Variants in UBE2D3 observed in about 807,000 individuals in gnomAD.
UBE2D3 encodes the protein ubiquitin conjugating enzyme E2 D3.
In UBE2D3, 2 loss-of-function variants were observed where a neutral mutation model predicts 22.8. The observed-to-expected ratio is 0.09, with a 90% confidence interval of 0.04 to 0.28. The LOEUF (loss-of-function observed/expected upper bound fraction) is 0.28, where lower values mean the gene tolerates loss of function less well. Among genes scored for constraint, UBE2D3 ranks in the 10% least tolerant of loss-of-function variants. The probability of loss-of-function intolerance (pLI) is 1.00; values close to 1 mark genes in which losing one functional copy is unlikely to be tolerated. For synonymous variants in UBE2D3, 56 were observed against 60.4 expected (o/e 0.93, Z 0.34); for missense variants, 27 against 182.5 (o/e 0.15, Z 4.91).
rs945438036 is a variant in UBE2D3 at position 102,824,191 on chromosome 4, G to A, written c.24+2294C>T. 5.3e-5 allele frequency among the ~76,000 whole-genome samples: 8 copies of A among 152,286 alleles called. No individual in the cohort carries two copies. The South Asian group carries it at 6.2e-4, about 12-fold the overall frequency. ...AACACTGGTTTTTCCAATATGCCAA[G>A]TTTTTATGTTGTGTCTATATTACAT... On this transcript the variant is annotated intron_variant, in intron 2 of 7. Transcript: ENST00000453744.
In UBE2D3 at chr4:102,853,135, ATTTT is replaced by A. The variant is rs151339235; in HGVS notation, c.-129+15576_-129+15579del. Among the ~76,000 whole-genome samples, 62 of 88,598 alleles carry A rather than the reference ATTTT, an allele frequency of 7.0e-4. 1 individual carries two copies. The highest frequency in any genetic ancestry group is 2.9e-3 in the Admixed American group (20 of 6,884). The allele number at this position is 88,598 out of a possible 152,430, so 58.1% of individuals were successfully genotyped here. Reference sequence around the variant, plus strand: ...GTCAAAATTACACACAAACACACACATTTTTTTTTTTTTTTTTTTTTTTTTGAGA... The same window carrying A: ...GTCAAAATTACACACAAACACACACATTTTTTTTTTTTTTTTTTTTTGAGA... On this transcript the variant is annotated intron_variant, in intron 1 of 7. Transcript: ENST00000338145.
At chr4:102,832,932 A>G (rs1731188155) in intron 1 of UBE2D3, among the ~76,000 whole-genome samples, 1 of 150,812 alleles carries the variant, frequency 6.6e-6, no homozygotes, top group African/African-American at 2.4e-5. Context: ...CAGAAGGTCA[A>G]GGTTGCAGTG....
At chr4:102,825,198 T>C in intron 2 of UBE2D3, 3 of 977,030 alleles carry the variant, frequency 3.1e-6, no homozygotes, top group Non-Finnish European at 3.6e-6. Context: ...GAACTCTTTT[T>C]AAAAAAGTAA....
At chr4:102,835,156 C>A (rs1042150221) in intron 1 of UBE2D3, among the ~76,000 whole-genome samples, 1 of 152,190 alleles carries the variant, frequency 6.6e-6, no homozygotes, top group African/African-American at 2.4e-5. Context: ...ATACAATCAG[C>A]CCTCCAGATC....
chr4:102,836,478 C>T (rs181783947), intron 1 of UBE2D3, among the ~76,000 whole-genome samples: 322 of 152,150 alleles, frequency 2.1e-3, no homozygotes, highest in African/African-American at 7.1e-3. Flanking sequence ...ACAAATAGGG[C>T]TACTATGAAC....
chr4:102,857,105 T>C (rs990672240), intron 1 of UBE2D3, among the ~76,000 whole-genome samples: 3 of 152,202 alleles, frequency 2.0e-5, no homozygotes, highest in Admixed American at 2.0e-4. Context: ...TGTACCACAC[T>C]AATGCAGGAT....
Position 102,826,465 on chromosome 4 carries a change from C to A in UBE2D3, c.24+20G>T. On this transcript the variant is annotated intron_variant, in intron 2 of 7. Transcript: ENST00000453744. ...CTTCCTTTTCTCCTACCACCCCATG[C>A]CCTTGTCCCCGCGGGTTACCTTATT... 1.9e-6 allele frequency: 3 copies of A among 1,613,904 alleles called. No individual in the cohort carries two copies. The highest frequency in any genetic ancestry group is 2.5e-6 in the Non-Finnish European group (3 of 1,179,940).
intron 1 of UBE2D3, among the ~76,000 whole-genome samples, chr4:102,860,341 G>C (rs1170699992): frequency 6.8e-6 from 1 of 146,918 alleles, no homozygotes; most frequent in Non-Finnish European, 1.5e-5. Context: ...TTTTCTTGGT[G>C]TGTGTGTGTG....
intron 1 of UBE2D3, among the ~76,000 whole-genome samples, chr4:102,834,792 T>C (rs1457312330): frequency 6.6e-6 from 1 of 151,806 alleles, no homozygotes; most frequent in African/African-American, 2.4e-5. Context: ...TGTCTTTTGT[T>C]TGTTTTGAGA....
chr4:102,824,640 A>C (rs1730173308), intron 2 of UBE2D3, among the ~76,000 whole-genome samples: 1 of 152,236 alleles, frequency 6.6e-6, no homozygotes, highest in Admixed American at 6.5e-5. Context: ...AAATCATTTA[A>C]GTGGTGTCAC....
intron 2 of UBE2D3, among the ~76,000 whole-genome samples, chr4:102,816,846 T>G (rs1227322475): frequency 6.6e-6 from 1 of 152,216 alleles, no homozygotes; most frequent in African/African-American, 2.4e-5. Context: ...CCATGCATGT[T>G]AGGTATAAAA....
chr4:102,867,241 C>G (rs1041074190), intron 1 of UBE2D3, among the ~76,000 whole-genome samples: 1 of 152,096 alleles, frequency 6.6e-6, no homozygotes, highest in African/African-American at 2.4e-5. Flanking sequence ...TTTATACAGT[C>G]CAGAGAATGA....
intron 6 of UBE2D3, among the ~76,000 whole-genome samples, chr4:102,801,048 A>T (rs918255816): frequency 3.3e-5 from 5 of 152,042 alleles, no homozygotes; most frequent in Non-Finnish European, 5.9e-5. Context: ...CCAGGAAAGC[A>T]AAATCAGAAT....
At chr4:102,868,218 T>A (rs903857769) in intron 1 of UBE2D3, among the ~76,000 whole-genome samples, 1 of 151,836 alleles carries the variant, frequency 6.6e-6, no homozygotes, top group African/African-American at 2.4e-5. Context: ...GACAGGCACC[T>A]GCCACCGCGC....
rs761514545 is a variant in UBE2D3 at position 102,856,660 on chromosome 4, C to A, written c.-129+12055G>T. Among the ~76,000 whole-genome samples the A allele has an allele frequency of 1.1e-4, 17 of 152,294 alleles. No individual in the cohort carries two copies. The Middle Eastern group carries it at 0.01, about 91-fold the overall frequency. ...AAAGGCCTCATCTACTGTCTCTCCT[C>A]CTTTCCTCAGAAGTTATCATTTTTC... On this transcript the variant is annotated intron_variant, in intron 1 of 7. Transcript: ENST00000338145.
intron 2 of UBE2D3, among the ~76,000 whole-genome samples, chr4:102,814,866 G>A (rs1020057729): frequency 2.6e-5 from 4 of 151,974 alleles, no homozygotes; most frequent in African/African-American, 9.7e-5. Flanking sequence ...AAATCCTGAT[G>A]CTCAGTTGTC....
chr4:102,868,767 A>C (rs1372750002), exon 1 of UBE2D3: 2 of 1,614,094 alleles, frequency 1.2e-6, no homozygotes, highest in Non-Finnish European at 1.7e-6. Flanking sequence ...ATCTCATCGC[A>C]CACAGTATCC....
chr4:102,836,173 G>C (rs1388068166), intron 1 of UBE2D3, among the ~76,000 whole-genome samples: 1 of 123,400 alleles, frequency 8.1e-6, no homozygotes, highest in Admixed American at 9.3e-5. Context: ...TTGTGACTGA[G>C]TCTCACTCTG....
intron 2 of UBE2D3, chr4:102,825,481 A>G: frequency 8.7e-7 from 1 of 1,155,704 alleles, no homozygotes; most frequent in Non-Finnish European, 1.1e-6. Context: ...AATTCACATT[A>G]TTACGAAAGG....
Sources: gnomAD v4.1 joint callset for allele counts (sites outside exome capture counted in the v4.1 genomes callset) on GRCh38, gnomAD v4.1.1 for gene constraint, MANE v1.5 for transcripts, NCBI Gene and HGNC (gene_info 2026-07-23, HGNC 2026-07-21) for gene names.